The following TRERF1 variants were observed in gnomAD, a reference collection of about 807,000 sequenced individuals.
TRERF1 encodes the protein transcriptional-regulating factor 1.
In TRERF1, 27 loss-of-function variants were observed where a neutral mutation model predicts 122.9. The ratio of observed to expected loss-of-function variants is 0.22; its 90% CI spans 0.16 to 0.30. TRERF1 has a LOEUF of 0.30. Ranked by LOEUF, TRERF1 falls within the 10% of genes least tolerant of loss-of-function variation. The pLI, the probability that TRERF1 is intolerant of heterozygous loss-of-function variation, is 1.00. For missense variants in TRERF1, 1,248 were observed against 1,560.3 expected (o/e 0.80, Z 3.37); for synonymous variants, 636 against 641.7 (o/e 0.99, Z 0.13).
chr6:42,300,974 T>G (rs1376993195), intron 3 of TRERF1, among the ~76,000 whole-genome samples: 2 of 152,032 alleles, frequency 1.3e-5, no homozygotes, highest in Non-Finnish European at 2.9e-5. Context: ...GGAGATGAAC[T>G]GGATGCAGTC....
At chr6:42,423,611 C>G (rs1045703055) in intron 2 of TRERF1, among the ~76,000 whole-genome samples, 8 of 152,082 alleles carry the variant, frequency 5.3e-5, no homozygotes, top group African/African-American at 1.9e-4. Flanking sequence ...ATCCTATCTG[C>G]ATTTGTAGTG....
chr6:42,327,101 GA>G (rs895583326), intron 3 of TRERF1, among the ~76,000 whole-genome samples: 3 of 152,248 alleles, frequency 2.0e-5, no homozygotes, highest in African/African-American at 7.2e-5. Flanking sequence ...GAGGTGGGGG[GA>G]ATCTGATAAA....
At chr6:42,408,325 A>G (rs545258562) in intron 2 of TRERF1, among the ~76,000 whole-genome samples, 50 of 119,314 alleles carry the variant, frequency 4.2e-4, no homozygotes, top group South Asian at 3.2e-3. Flanking sequence ...GTGTGTGTAT[A>G]TATATATATA....
chr6:42,327,279 A>G (rs138313433), intron 3 of TRERF1, among the ~76,000 whole-genome samples: 2 of 152,316 alleles, frequency 1.3e-5, no homozygotes, highest in South Asian at 2.1e-4. Context: ...TTTCACCCAT[A>G]TATCTCACAA....
chr6:42,296,346 T>G (rs1406088460), intron 4 of TRERF1, among the ~76,000 whole-genome samples: 1 of 152,230 alleles, frequency 6.6e-6, no homozygotes, highest in Non-Finnish European at 1.5e-5. Context: ...TAATCTCATT[T>G]TATAAACTGG....
intron 3 of TRERF1, among the ~76,000 whole-genome samples, chr6:42,354,940 C>T (rs1022682865): frequency 3.9e-5 from 6 of 152,280 alleles, no homozygotes; most frequent in South Asian, 4.1e-4. Context: ...TGGTACTAGA[C>T]TCATGAACTA....
intron 4 of TRERF1, among the ~76,000 whole-genome samples, chr6:42,281,975 A>C (rs995493295): frequency 1.3e-5 from 2 of 152,184 alleles, no homozygotes; most frequent in Admixed American, 6.5e-5. Flanking sequence ...CCTTAGGAAC[A>C]TCTGTGAGAA....
At position 42,254,930 on chromosome 6, in the gene TRERF1, C is replaced by A. The variant is rs747431702; in HGVS notation, c.2581-4G>T. 6 of 1,613,982 alleles carry A rather than the reference C, an allele frequency of 3.7e-6. No individual in the cohort carries two copies. In the Admixed American group the frequency reaches 5.0e-5, roughly 13 times the overall value. ...GTAGCAGCATTTCCAGAGCAACCTG[C>A]AGACCCAAAGGAGAGAAAAGGCAAG... On this transcript the variant is annotated splice_polypyrimidine_tract_variant and splice_region_variant and intron_variant, in intron 12 of 17. Transcript: ENST00000372922.
chr6:42,312,406 C>T (rs555504024), intron 3 of TRERF1, among the ~76,000 whole-genome samples: 9 of 152,264 alleles, frequency 5.9e-5, no homozygotes, highest in Admixed American at 3.9e-4. Flanking sequence ...TTAGAGTTTC[C>T]GAAGATTCAA....
rs375271710 is a variant in TRERF1, at chr6:42,397,336, G to T, written c.-453-34257C>A. Among the ~76,000 whole-genome samples the T allele has an allele frequency of 1.7e-4, 26 of 152,224 alleles. 2 individuals are homozygous for T. The East Asian group carries it at 1.9e-3, about 11-fold the overall frequency. On this transcript the variant is annotated intron_variant, in intron 2 of 17. Transcript: ENST00000372922. ...TCTCTATACAAACTCCTGGTTAGAG[G>T]GGTCAAATGACAGGACACAGGCACC...
chr6:42,282,989 A>G (rs1260816266), intron 4 of TRERF1, among the ~76,000 whole-genome samples: 1 of 152,234 alleles, frequency 6.6e-6, no homozygotes, highest in Non-Finnish European at 1.5e-5. Context: ...CAGTACTACA[A>G]CTAATGCCTG....
intron 4 of TRERF1, among the ~76,000 whole-genome samples, chr6:42,279,221 C>T (rs369241519): frequency 7.9e-5 from 12 of 152,214 alleles, no homozygotes; most frequent in East Asian, 5.8e-4. Flanking sequence ...TGGGGGACTC[C>T]GGGAAGGTCT....
intron 2 of TRERF1, among the ~76,000 whole-genome samples, chr6:42,407,100 T>C (rs1780286489): frequency 6.6e-6 from 1 of 152,202 alleles, no homozygotes; most frequent in South Asian, 2.1e-4. Flanking sequence ...TGCCCCAAAG[T>C]GTCCTAAACA....
chr6:42,342,053 T>C (rs773322012), intron 3 of TRERF1, among the ~76,000 whole-genome samples: 23 of 152,230 alleles, frequency 1.5e-4, no homozygotes, highest in Non-Finnish European at 2.4e-4. Context: ...ACTGCAACCA[T>C]TTTCCAGGAA....
At chr6:42,235,287 AG>A (rs1216320024) in intron 16 of TRERF1, among the ~76,000 whole-genome samples, 1 of 152,220 alleles carries the variant, frequency 6.6e-6, no homozygotes. Context: ...TTCCTCTGCA[AG>A]GGGCAACATT....
intron 3 of TRERF1, among the ~76,000 whole-genome samples, chr6:42,301,064 G>A (rs1184242915): frequency 1.3e-5 from 2 of 152,166 alleles, no homozygotes; most frequent in Non-Finnish European, 2.9e-5. Flanking sequence ...GAGACAGAGA[G>A]AGATCTGAGT....
At chr6:42,282,841 G>GT (rs1473421720) in intron 4 of TRERF1, among the ~76,000 whole-genome samples, 1 of 152,162 alleles carries the variant, frequency 6.6e-6, no homozygotes, top group East Asian at 1.9e-4. Flanking sequence ...GAAATACAGG[G>GT]TTAGGTTCCT....
intron 3 of TRERF1, among the ~76,000 whole-genome samples, chr6:42,306,293 C>T (rs939920035): frequency 3.9e-5 from 6 of 152,238 alleles, no homozygotes; most frequent in Middle Eastern, 3.4e-3. Context: ...TGAGCCACCA[C>T]GCCCGGCCAA....
exon 18 of TRERF1, chr6:42,227,364 C>G (rs1033202541): frequency 2.0e-5 from 3 of 152,192 alleles, no homozygotes; most frequent in African/African-American, 7.2e-5. Flanking sequence ...ACAGTACTTC[C>G]AAGTGGCACA....
Sources: allele counts gnomAD v4.1 joint callset (sites outside exome capture counted in the v4.1 genomes callset), GRCh38; gene constraint gnomAD v4.1.1; transcripts MANE v1.5; gene names NCBI Gene and HGNC (gene_info 2026-07-23, HGNC 2026-07-21).